OSTC: variants seen among roughly 807,000 people sequenced by gnomAD.
OSTC encodes oligosaccharyltransferase complex subunit OSTC.
In OSTC, 16 loss-of-function variants were observed where a neutral mutation model predicts 16.4. The observed-to-expected ratio is 0.98, with a 90% CI of 0.66 to 1.49. OSTC has a LOEUF of 1.49. OSTC is among the 40% of genes most tolerant of loss of function. The pLI is 0.00. For synonymous variants in OSTC, 67 were observed against 68.5 expected, an observed-to-expected ratio of 0.98 and a Z score of 0.11; for missense variants, 139 against 186.3, an observed-to-expected ratio of 0.75 and a Z score of 1.48.
At position 108,650,679 on chromosome 4, in the gene OSTC, G is replaced by A; in HGVS notation, c.24G>A (p.Pro8=). The change falls in exon 1 of 4, where the codon CCG becomes CCA. Residue 8 remains proline, a synonymous_variant. Transcript: ENST00000361564. Reference sequence around the variant, plus strand: ...ACATGGAGACTTTGTACCGTGTCCCGTTCTTAGTGCTCGAATGTCCCAACC... The same window carrying A: ...ACATGGAGACTTTGTACCGTGTCCCATTCTTAGTGCTCGAATGTCCCAACC... The part of the protein sequence containing the change: METLYRV[P]FLVLECPNLK... The A allele has an allele frequency of 6.2e-7, 1 of 1,614,152 alleles. No individual in the cohort carries two copies. The highest frequency in any genetic ancestry group is 8.5e-7 in the Non-Finnish European group (1 of 1,180,006).
chr4:108,650,733 C>T lies in OSTC; in HGVS notation c.78C>T (p.His26=), dbSNP rs1404763711. 1 of 1,614,248 alleles carries T rather than the reference C, an allele frequency of 6.2e-7. No homozygotes were observed. Among genetic ancestry groups the T allele is most frequent in the Admixed American group, 1.7e-5 (1 of 60,032 alleles). Residue 26 remains histidine, a synonymous_variant, in exon 1 of 4, where the codon CAC becomes CAT. Transcript: ENST00000361564. ...AGCTGAAGAAGCCGCCCTGGTTGCA[C>T]ATGCCGTCGGCCATGACTGTGTATG... ...NLKLKKPPWL[H]MPSAMTVYAL...
chr4:108,656,416 T>C (rs1218955737), intron 2 of OSTC, among the ~76,000 whole-genome samples: 1 of 151,860 alleles, frequency 6.6e-6, no homozygotes, highest in Non-Finnish European at 1.5e-5. Context: ...GTTTGAATTT[T>C]GAACTTGGTA....
chr4:108,652,584 C>T (rs1383873684), intron 1 of OSTC, among the ~76,000 whole-genome samples: 2 of 152,134 alleles, frequency 1.3e-5, no homozygotes, highest in African/African-American at 4.8e-5. Flanking sequence ...CTATTTGTTG[C>T]TGACAAATAG....
At chr4:108,662,504 T>C (rs1726882304) in intron 3 of OSTC, among the ~76,000 whole-genome samples, 1 of 152,358 alleles carries the variant, frequency 6.6e-6, no homozygotes, top group South Asian at 2.1e-4. Flanking sequence ...ATTTCTGTTA[T>C]GCATAGTACT....
intron 3 of OSTC, 80 bp from the exon 4 acceptor site, chr4:108,667,167 G>T: frequency 8.5e-7 from 1 of 1,180,782 alleles, no homozygotes; most frequent in Non-Finnish European, 1.2e-6. Context: ...ATTTGTTTTG[G>T]CATTTTGAAA....
intron 1 of OSTC, among the ~76,000 whole-genome samples, chr4:108,654,959 T>G (rs1449979593): frequency 1.3e-5 from 2 of 152,246 alleles, no homozygotes; most frequent in African/African-American, 4.8e-5. Flanking sequence ...GCCTTTAGTT[T>G]TAAATCCCCT....
intron 1 of OSTC, chr4:108,651,304 A>T (rs1726536019): frequency 6.4e-6 from 1 of 156,814 alleles, no homozygotes; most frequent in South Asian, 1.8e-4. Context: ...GTTGGCTCAA[A>T]CCTAGGGTTC....
At chr4:108,663,997 A>G (rs780228863) in intron 3 of OSTC, among the ~76,000 whole-genome samples, 19 of 152,164 alleles carry the variant, frequency 1.2e-4, no homozygotes, top group South Asian at 2.1e-4. Context: ...GGGTCAAGAG[A>G]GGGGGCTAAA....
intron 3 of OSTC, among the ~76,000 whole-genome samples, chr4:108,661,287 A>G (rs1468775797): frequency 6.6e-6 from 1 of 152,078 alleles, no homozygotes; most frequent in Non-Finnish European, 1.5e-5. Context: ...TACATTTAAA[A>G]GGAAAAAATT....
intron 3 of OSTC, among the ~76,000 whole-genome samples, chr4:108,660,668 C>G (rs1726833953): frequency 6.6e-6 from 1 of 152,186 alleles, no homozygotes; most frequent in African/African-American, 2.4e-5. Context: ...ATGTTTCTAG[C>G]ATCTGAGATA....
intron 3 of OSTC, chr4:108,663,092 T>C (rs1371025125): frequency 2.5e-6 from 1 of 406,996 alleles, no homozygotes; most frequent in African/African-American, 2.1e-5. Flanking sequence ...GTGCTCTCAA[T>C]CATAATGTAA....
chr4:108,657,917 C>CTTTTTTTTTTTTTTTT (rs70949037), intron 3 of OSTC, among the ~76,000 whole-genome samples: 1 of 67,142 alleles, frequency 1.5e-5, no homozygotes, highest in African/African-American at 6.2e-5. Flanking sequence ...GTCATTGTTT[C>CTTTTTTTTTTTTTTTT]TTTTTTTTTT....
chr4:108,656,711 A>T (rs1487308048), intron 2 of OSTC, among the ~76,000 whole-genome samples: 5 of 152,288 alleles, frequency 3.3e-5, no homozygotes, highest in African/African-American at 1.2e-4. Flanking sequence ...CAAGAAGTTT[A>T]TTATTATTAA....
chr4:108,654,024 A>G (rs929108159), intron 1 of OSTC, among the ~76,000 whole-genome samples: 2 of 152,222 alleles, frequency 1.3e-5, no homozygotes, highest in African/African-American at 2.4e-5. Context: ...AAGAGGCCCA[A>G]TAGAGAGGTA....
chr4:108,651,004 C>G lies in OSTC; in HGVS notation c.139+210C>G, dbSNP rs551316784. 7.2e-5 allele frequency: 44 copies of G among 609,104 alleles called. No homozygotes were observed. In the South Asian group the frequency reaches 1.0e-3, roughly 14 times the overall value. 37.7% of individuals were successfully genotyped at this position (609,104 alleles called of 1,614,324 possible). A position where few individuals can be genotyped will look rare whatever the true frequency, so the allele number is the denominator to read the frequency against. ...TGTCTTAAGAGAATTCGTGTTCTCA[C>G]TCCCATTGCCTTTCTTCTCCTTCTA... On this transcript the variant is annotated intron_variant, in intron 1 of 3. Coordinates refer to ENST00000361564, the MANE Select transcript of OSTC (RefSeq NM_021227.4).
intron 3 of OSTC, among the ~76,000 whole-genome samples, chr4:108,666,475 C>T (rs760607682): frequency 2.0e-5 from 3 of 151,864 alleles, no homozygotes. Context: ...TTTGGGAGGC[C>T]GAGGTGGATG....
At chr4:108,660,550 A>T (rs1726830705) in intron 3 of OSTC, among the ~76,000 whole-genome samples, 1 of 152,214 alleles carries the variant, frequency 6.6e-6, no homozygotes. Flanking sequence ...TCTTTCATGC[A>T]AATTATCTAT....
At chr4:108,666,711 CAA>C (rs34702666) in intron 3 of OSTC, among the ~76,000 whole-genome samples, 2 of 102,054 alleles carry the variant, frequency 2.0e-5, no homozygotes, top group African/African-American at 4.0e-5. Context: ...AACTCCATCT[CAA>C]AAAAAAAAAA....
chr4:108,650,692 G>GA lies in OSTC; in HGVS notation c.39dup (p.Cys14MetfsTer38). ...GTACCGTGTCCCGTTCTTAGTGCTC[G>GA]AATGTCCCAACCTGAAGCTGAAGAA... On this transcript the variant is annotated frameshift_variant, in exon 1 of 4. Coordinates refer to ENST00000361564, the MANE Select transcript of OSTC (RefSeq NM_021227.4). LOFTEE classifies it high-confidence loss of function. 1 of 1,614,160 alleles carries GA rather than the reference G, an allele frequency of 6.2e-7. No homozygotes were observed. The highest frequency in any genetic ancestry group is 8.5e-7 in the Non-Finnish European group (1 of 1,180,018).
Sources: gnomAD v4.1 joint callset for allele counts (sites outside exome capture counted in the v4.1 genomes callset) on GRCh38, gnomAD v4.1.1 for gene constraint, MANE v1.5 for transcripts, NCBI Gene and HGNC (gene_info 2026-07-23, HGNC 2026-07-21) for gene names.